Variants in ELF4 observed in about 807,000 individuals in gnomAD.
The protein encoded by ELF4 is E74 like ETS transcription factor 4, also known as ETS-related transcription factor Elf-4.
Under a neutral mutation model 31.7 loss-of-function variants are expected in ELF4, and 10 were observed. The ratio of observed to expected loss-of-function variants is 0.32; its 90% confidence interval spans 0.19 to 0.54. ELF4 has a LOEUF of 0.54. Ranked by LOEUF, ELF4 falls within the 20% of genes least tolerant of loss-of-function variation. ELF4 has a pLI of 0.95. For synonymous variants in ELF4, 208 were observed against 226.7 expected (o/e 0.92, Z 0.74); for missense variants, 418 against 522.0 (o/e 0.80, Z 1.94).
upstream of ELF4, chrX:130,110,582 CG>C (rs1933468016): frequency 9.1e-6 from 1 of 110,054 alleles, no homozygotes; most frequent in Non-Finnish European, 1.9e-5. Context: ...CCTTCTTCCC[CG>C]CCCGCCTGCC....
chrX:130,086,696 G>A (rs1331245975), intron 1 of ELF4, among the ~76,000 whole-genome samples: 2 of 112,461 alleles, frequency 1.8e-5, no homozygotes, highest in Admixed American at 9.4e-5. Context: ...GGGAGTCTCG[G>A]GTGAATAAAG....
intron 1 of ELF4, among the ~76,000 whole-genome samples, chrX:130,087,815 G>A (rs1932985635): frequency 1.8e-5 from 2 of 112,234 alleles, no homozygotes; most frequent in African/African-American, 6.5e-5. Flanking sequence ...TGGGGCTGTG[G>A]TAGTTCATTA....
chrX:130,089,509 C>CA (rs777456574), intron 1 of ELF4, among the ~76,000 whole-genome samples: 14,866 of 19,320 alleles, frequency 0.77, 6,538 homozygotes, highest in Admixed American at 0.85. Flanking sequence ...GACCTCAGCT[C>CA]AAAAAAAAAA....
chrX:130,106,256 C>T (rs889797133), intron 1 of ELF4, among the ~76,000 whole-genome samples: 2 of 109,663 alleles, frequency 1.8e-5, no homozygotes, highest in Non-Finnish European at 3.8e-5. Flanking sequence ...GGCCTCTGCT[C>T]CAACAAGCAC....
chrX:130,090,140 G>A (rs1295125551), intron 1 of ELF4, among the ~76,000 whole-genome samples: 3 of 109,762 alleles, frequency 2.7e-5, no homozygotes, highest in Admixed American at 9.7e-5. Context: ...TTGGGAGGCC[G>A]AGGCAGGCGG....
chrX:130,066,477 A>G lies in ELF4; in HGVS notation c.*244T>C. The G allele has an allele frequency of 2.6e-6, 1 of 385,954 alleles. No homozygotes were observed. Among genetic ancestry groups the G allele is most frequent in the Non-Finnish European group, 4.5e-6 (1 of 224,256 alleles). The allele number at this position is 385,954 out of a possible 1,213,427, so 31.8% of individuals were successfully genotyped here. ...CTCAAGGCTTTTTCCCTCCATCACC[A>G]AGTCAGCCCGTTATGCTGCCAAAAG... On this transcript the variant is annotated 3_prime_UTR_variant, in exon 9 of 9. Coordinates refer to ENST00000308167, the MANE Select transcript of ELF4 (RefSeq NM_001421.4).
At chrX:130,076,050 G>A (rs1031697358) in intron 2 of ELF4, among the ~76,000 whole-genome samples, 3 of 111,535 alleles carry the variant, frequency 2.7e-5, no homozygotes, top group African/African-American at 6.5e-5. Flanking sequence ...AAATAGAGAC[G>A]CCTATCAGGG....
intron 2 of ELF4, among the ~76,000 whole-genome samples, chrX:130,077,511 G>T (rs1932845370): frequency 8.9e-6 from 1 of 112,082 alleles, no homozygotes; most frequent in South Asian, 3.7e-4. Flanking sequence ...GGCCAGGATG[G>T]TCTCAAATTC....
At chrX:130,082,478 C>A (rs1483578975) in intron 1 of ELF4, among the ~76,000 whole-genome samples, 1 of 112,082 alleles carries the variant, frequency 8.9e-6, no homozygotes, top group South Asian at 3.7e-4. Flanking sequence ...GAGGGGCAGG[C>A]GGAACCTTCC....
At chrX:130,097,253 C>A (rs945911612) in intron 1 of ELF4, among the ~76,000 whole-genome samples, 30 of 108,383 alleles carry the variant, frequency 2.8e-4, no homozygotes, top group Non-Finnish European at 5.0e-4. Flanking sequence ...GCCTGACCAA[C>A]ATGGAGAAAC....
chrX:130,088,814 C>T (rs1480036530), intron 1 of ELF4, among the ~76,000 whole-genome samples: 1 of 112,093 alleles, frequency 8.9e-6, no homozygotes, highest in Non-Finnish European at 1.9e-5. Context: ...AGTCAGATAA[C>T]TTTTATTGAA....
rs771802950 is a variant in ELF4, at chrX:130,069,533, C to T, written c.954G>A (p.Thr318=). The change falls in exon 8 of 9, where the codon ACG becomes ACA. Residue 318 remains threonine (T), a synonymous_variant. Coordinates refer to ENST00000308167, the MANE Select transcript of ELF4 (RefSeq NM_001421.4). ...EATAAPPQAS[T]ASVASASTTR... is the part of the protein sequence containing the mutation. Reference sequence around the variant, plus strand: ...TGGTACTGGCAGAGGCCACAGAGGCCGTGGAGGCCTGAGGTGGGGCTGCTG... The same window carrying T: ...TGGTACTGGCAGAGGCCACAGAGGCTGTGGAGGCCTGAGGTGGGGCTGCTG... 2.1e-5 allele frequency: 25 copies of T among 1,211,032 alleles called. No homozygotes were observed. The highest frequency in any genetic ancestry group is 1.4e-4 in the South Asian group (8 of 56,970).
chrX:130,076,105 G>A (rs1018086961), intron 2 of ELF4, among the ~76,000 whole-genome samples: 1 of 112,003 alleles, frequency 8.9e-6, no homozygotes, highest in Non-Finnish European at 1.9e-5. Context: ...GCTGGTGGTC[G>A]TTCAATCCCT....
chrX:130,093,951 G>T (rs1933102360), intron 1 of ELF4, among the ~76,000 whole-genome samples: 1 of 112,404 alleles, frequency 8.9e-6, no homozygotes, highest in Admixed American at 9.4e-5. Context: ...GAGAGCAGGG[G>T]CCGGGCGTGG....
chrX:130,073,309 G>A (rs1481640031), intron 4 of ELF4, among the ~76,000 whole-genome samples: 3 of 110,505 alleles, frequency 2.7e-5, no homozygotes, highest in Non-Finnish European at 5.7e-5. Flanking sequence ...GGCCAGTCTC[G>A]AACTCCTGAC....
chrX:130,066,865 C>T lies in ELF4; in HGVS notation c.1848G>A (p.Glu616=). 8.3e-7 allele frequency: 1 copy of T among 1,211,776 alleles called. No homozygotes were observed. The highest frequency in any genetic ancestry group is 1.1e-6 in the Non-Finnish European group (1 of 895,355). The change falls in exon 9 of 9, where the codon GAG becomes GAA. Residue 616 remains glutamate, a synonymous_variant. Coordinates refer to ENST00000308167, the MANE Select transcript of ELF4 (RefSeq NM_001421.4). ...TVGLTPVAEL[E]LSSGSGSLLM... ...GCAGGGACCCTGAGCCTGAGGAGAG[C>T]TCAAGTTCAGCCACTGGGGTCAGCC...
intron 2 of ELF4, among the ~76,000 whole-genome samples, chrX:130,076,919 G>A (rs933200163): frequency 2.7e-5 from 3 of 111,025 alleles, no homozygotes; most frequent in Admixed American, 9.7e-5. Context: ...TCCTCTCTGT[G>A]TAGTGTTCCT....
At chrX:130,109,323 C>T (rs1206493205) in intron 1 of ELF4, among the ~76,000 whole-genome samples, 4 of 112,732 alleles carry the variant, frequency 3.5e-5, no homozygotes, top group Non-Finnish European at 7.5e-5. Flanking sequence ...CCCACCAGGC[C>T]AAAATCGAGA....
At chrX:130,072,072 C>T (rs900968811) in intron 5 of ELF4, among the ~76,000 whole-genome samples, 154 bp downstream of exon 5, 8 of 111,986 alleles carry the variant, frequency 7.1e-5, no homozygotes, top group Non-Finnish European at 1.5e-4. Flanking sequence ...GGCAGACTAA[C>T]GGATGAGGCC....
Sources: allele counts gnomAD v4.1 joint callset (sites outside exome capture counted in the v4.1 genomes callset), GRCh38; gene constraint gnomAD v4.1.1; transcripts MANE v1.5; gene names NCBI Gene and HGNC (gene_info 2026-07-23, HGNC 2026-07-21).